GRAMD1C: variants seen among roughly 807,000 people sequenced by gnomAD.
The protein encoded by GRAMD1C is protein Aster-C.
In GRAMD1C, 89 loss-of-function variants were observed where a neutral mutation model predicts 97.8. The observed-to-expected ratio is 0.91, with a 90% CI of 0.77 to 1.09. The LOEUF (loss-of-function observed/expected upper bound fraction) is 1.09. GRAMD1C is among the 50% of genes least tolerant of loss of function. The pLI is 0.00. For synonymous variants in GRAMD1C, 256 were observed against 267.0 expected, an observed-to-expected ratio of 0.96 and a Z score of 0.40; for missense variants, 740 against 766.4, an observed-to-expected ratio of 0.97 and a Z score of 0.41.
intron 9 of GRAMD1C, among the ~76,000 whole-genome samples, chr3:113,909,785 CT>C (rs1047877697): frequency 6.6e-6 from 1 of 152,138 alleles, no homozygotes; most frequent in Admixed American, 6.5e-5. Context: ...GAAAGGAAAT[CT>C]TTCTCTCTGT....
chr3:113,919,102 A>G (rs62265432), intron 10 of GRAMD1C: 154 of 171,842 alleles, frequency 9.0e-4, no homozygotes, highest in Middle Eastern at 6.0e-3. Flanking sequence ...CCAGCACTCA[A>G]ATGACTACCA....
chr3:113,919,672 T>C, intron 10 of GRAMD1C: 1 of 646,610 alleles, frequency 1.5e-6, no homozygotes, highest in South Asian at 1.4e-5. Flanking sequence ...ATCTTATTGT[T>C]CACCAGCTTG....
At chr3:113,910,949 A>G (rs1016018793) in intron 9 of GRAMD1C, among the ~76,000 whole-genome samples, 3 of 152,284 alleles carry the variant, frequency 2.0e-5, no homozygotes, top group Admixed American at 2.0e-4. Context: ...TGCCATAACA[A>G]AATACTACAG....
chr3:113,923,878 G>T (rs917390667), intron 10 of GRAMD1C, among the ~76,000 whole-genome samples: 6 of 152,038 alleles, frequency 3.9e-5, no homozygotes, highest in African/African-American at 9.7e-5. Flanking sequence ...TACATGTCTG[G>T]TAGAATTTGG....
chr3:113,943,547 TAATAC>T (rs1937909008), intron 17 of GRAMD1C, among the ~76,000 whole-genome samples: 1 of 152,236 alleles, frequency 6.6e-6, no homozygotes, highest in Non-Finnish European at 1.5e-5. Context: ...ATACATGGAA[TAATAC>T]AATACGTGGT....
rs1215521718 is a variant in GRAMD1C at position 113,875,390 on chromosome 3, A to C, written c.260-94A>C. The stretch of plus-strand genomic sequence containing the variant: ...ATGAATGAATGAACTAATGAACAAA[A>C]AGTGATGACTTTCCATCTGTTGAAA... On this transcript the variant is annotated intron_variant, in intron 3 of 17. Coordinates refer to ENST00000358160, the MANE Select transcript of GRAMD1C (RefSeq NM_017577.5). The C allele has an allele frequency of 2.8e-5, 19 of 670,478 alleles. No individual in the cohort carries two copies. The Admixed American group carries it at 4.3e-4, about 15-fold the overall frequency. 41.5% of individuals were successfully genotyped at this position (670,478 alleles called of 1,614,324 possible).
At chr3:113,851,646 G>A (rs971426454) in intron 2 of GRAMD1C, among the ~76,000 whole-genome samples, 2 of 151,062 alleles carry the variant, frequency 1.3e-5, no homozygotes, top group African/African-American at 4.9e-5. Context: ...AGCCTCCTGA[G>A]TAGCTGGGAC....
intron 2 of GRAMD1C, among the ~76,000 whole-genome samples, chr3:113,852,728 A>G (rs1030198024): frequency 6.6e-6 from 1 of 152,220 alleles, no homozygotes; most frequent in Non-Finnish European, 1.5e-5. Flanking sequence ...GATAGGAGAT[A>G]GGAGATAGCA....
chr3:113,850,654 G>A (rs1240503104), intron 2 of GRAMD1C: 2 of 1,605,400 alleles, frequency 1.2e-6, no homozygotes, highest in East Asian at 2.2e-5. Flanking sequence ...GCATGTGGAC[G>A]TCCTTCTTGG....
intron 9 of GRAMD1C, among the ~76,000 whole-genome samples, chr3:113,910,282 C>T (rs542413849): frequency 1.3e-5 from 2 of 152,236 alleles, no homozygotes; most frequent in East Asian, 3.9e-4. Context: ...ACTCGGGAGG[C>T]TGAGGCAGGA....
At chr3:113,920,104 A>G in intron 10 of GRAMD1C, 1 of 1,351,948 alleles carries the variant, frequency 7.4e-7, no homozygotes, top group Non-Finnish European at 1.0e-6. Flanking sequence ...TTTTATGAAG[A>G]AAAGCTCCTG....
In GRAMD1C at chr3:113,838,844, AGGTGGGCGCGGGGCGGTGCGGTGC is replaced by A; in HGVS notation, c.-61_-38del. ...GCCTGTAACTCGCAGCGCGCGCTGG[AGGTGGGCGCGGGGCGGTGCGGTGC>A]GGTGCGCGCGGGGCGGTGCCGCGGC... On this transcript the variant is annotated 5_prime_UTR_variant, in exon 1 of 18. Transcript: ENST00000358160. The A allele has an allele frequency of 7.7e-6, 9 of 1,168,784 alleles. No homozygotes were observed. Among genetic ancestry groups the A allele is most frequent in the Non-Finnish European group, 9.7e-6 (9 of 932,116 alleles). 72.4% of individuals were successfully genotyped at this position (1,168,784 alleles called of 1,614,324 possible).
At chr3:113,829,281 A>G (rs938552573) in intron 1 of GRAMD1C, among the ~76,000 whole-genome samples, 1 of 151,246 alleles carries the variant, frequency 6.6e-6, no homozygotes, top group African/African-American at 2.5e-5. Flanking sequence ...CAAACAAACA[A>G]ACAAAACTCC....
rs1172409003 is a variant in GRAMD1C at position 113,875,509 on chromosome 3, C to T, written c.285C>T (p.Asp95=). The T allele has an allele frequency of 5.3e-6, 8 of 1,516,578 alleles. No individual in the cohort carries two copies. Among genetic ancestry groups the T allele is most frequent in the South Asian group, 3.4e-5 (3 of 89,244 alleles). The allele number at this position is 1,516,578 out of a possible 1,614,324, so 93.9% of individuals were successfully genotyped here. ...IADYACALQR[D]ILLQGRLYLS... ...ATTATGCTTGTGCTCTTCAGAGGGA[C>T]ATTTTGCTTCAGGGACGACTATACC... Residue 95 remains aspartate, a synonymous_variant, in exon 4 of 18, where the codon GAC becomes GAT. Coordinates refer to ENST00000358160, the MANE Select transcript of GRAMD1C (RefSeq NM_017577.5).
At chr3:113,883,540 AC>A (rs1014599751) in intron 6 of GRAMD1C, among the ~76,000 whole-genome samples, 16 of 151,780 alleles carry the variant, frequency 1.1e-4, no homozygotes, top group Admixed American at 2.6e-4. Flanking sequence ...AAAAAAAAAA[AC>A]AACCATGATC....
intron 1 of GRAMD1C, 82 bp from the exon 2 acceptor site, chr3:113,844,421 T>C (rs761056377): frequency 7.3e-5 from 65 of 886,296 alleles, no homozygotes; most frequent in Non-Finnish European, 1.1e-4. Flanking sequence ...AATTAATGTA[T>C]ATGTTGTGAA....
intron 2 of GRAMD1C, among the ~76,000 whole-genome samples, chr3:113,862,699 A>G (rs1934428804): frequency 6.6e-6 from 1 of 152,246 alleles, no homozygotes; most frequent in African/African-American, 2.4e-5. Context: ...TGACTGGGGA[A>G]GTGATAAGTA....
At chr3:113,913,187 TG>T in intron 9 of GRAMD1C, 1 of 825,978 alleles carries the variant, frequency 1.2e-6, no homozygotes, top group Non-Finnish European at 1.8e-6. Context: ...CCAGGATTTT[TG>T]TTTTCTCTTT....
At chr3:113,855,982 C>A (rs569161644) in intron 2 of GRAMD1C, among the ~76,000 whole-genome samples, 1 of 151,616 alleles carries the variant, frequency 6.6e-6, no homozygotes, top group Non-Finnish European at 1.5e-5. Context: ...TCCGCCTCTC[C>A]GTTTCAAGGG....
Sources: allele counts gnomAD v4.1 joint callset (sites outside exome capture counted in the v4.1 genomes callset), GRCh38; gene constraint gnomAD v4.1.1; transcripts MANE v1.5; gene names NCBI Gene and HGNC (gene_info 2026-07-23, HGNC 2026-07-21).